The following NRXN1 variants were observed in gnomAD, a reference collection of about 807,000 sequenced individuals.
The protein encoded by NRXN1 is neurexin 1.
A neutral mutation model predicts 150.9 loss-of-function variants in NRXN1; 39 were observed. The observed-to-expected ratio is 0.26, with a 90% CI of 0.20 to 0.34. The LOEUF (loss-of-function observed/expected upper bound fraction) is 0.34, where lower values mean the gene tolerates loss of function less well. Among genes scored for constraint, NRXN1 ranks in the 10% least tolerant of loss-of-function variants. The pLI, the probability that NRXN1 is intolerant of heterozygous loss-of-function variation, is 1.00. For missense variants in NRXN1, 1,815 were observed against 1,949.9 expected (o/e 0.93, Z 1.30); for synonymous variants, 924 against 757.0 (o/e 1.22, Z -3.62).
chr2:50,654,976 C>T (rs1282458134), intron 5 of NRXN1, among the ~76,000 whole-genome samples: 2 of 151,938 alleles, frequency 1.3e-5, no homozygotes, highest in East Asian at 3.9e-4. Flanking sequence ...GAGAACAAAG[C>T]AAGGAACAAA....
chr2:50,079,987 A>C (rs1268113318), intron 19 of NRXN1, among the ~76,000 whole-genome samples: 1 of 152,160 alleles, frequency 6.6e-6, no homozygotes. Context: ...AGTAAATGGC[A>C]TGCAATTTAA....
At chr2:50,304,914 A>G (rs535425667) in intron 17 of NRXN1, among the ~76,000 whole-genome samples, 1 of 152,102 alleles carries the variant, frequency 6.6e-6, no homozygotes, top group African/African-American at 2.4e-5. Flanking sequence ...ACATGTTGAA[A>G]CCCCGTGTCT....
chr2:50,564,294 C>T (rs962649162), intron 8 of NRXN1, among the ~76,000 whole-genome samples: 2 of 152,112 alleles, frequency 1.3e-5, no homozygotes, highest in African/African-American at 2.4e-5. Flanking sequence ...ATGATCTTAA[C>T]TGTGTAAGGT....
chr2:50,117,702 C>G (rs1703251095), intron 18 of NRXN1, among the ~76,000 whole-genome samples: 1 of 151,014 alleles, frequency 6.6e-6, no homozygotes, highest in Non-Finnish European at 1.5e-5. Context: ...TGTCTTTACA[C>G]AGCCATAGAA....
intron 2 of NRXN1, among the ~76,000 whole-genome samples, chr2:50,942,531 C>T (rs939777523): frequency 2.0e-5 from 3 of 152,210 alleles, no homozygotes; most frequent in Non-Finnish European, 4.4e-5. Context: ...GGGAGCCCCA[C>T]TCTTGCATCT....
chr2:50,788,356 G>A (rs1705436674), intron 5 of NRXN1, among the ~76,000 whole-genome samples: 1 of 151,882 alleles, frequency 6.6e-6, no homozygotes, highest in Non-Finnish European at 1.5e-5. Context: ...TAAAGTGCTG[G>A]GATTACAGGC....
At chr2:50,834,042 A>T (rs1254993201) in intron 5 of NRXN1, among the ~76,000 whole-genome samples, 2 of 152,172 alleles carry the variant, frequency 1.3e-5, no homozygotes, top group African/African-American at 4.8e-5. Context: ...ATTATACAAA[A>T]TACTTAATGT....
At chr2:51,007,961 G>A (rs570549250) in intron 2 of NRXN1, among the ~76,000 whole-genome samples, 5 of 151,466 alleles carry the variant, frequency 3.3e-5, no homozygotes, top group Non-Finnish European at 7.4e-5. Context: ...CAGAATAGAA[G>A]GAAAATAAAT....
At chr2:50,645,777 G>T (rs1353417059) in intron 5 of NRXN1, among the ~76,000 whole-genome samples, 2 of 151,868 alleles carry the variant, frequency 1.3e-5, no homozygotes, top group Non-Finnish European at 2.9e-5. Flanking sequence ...GTGCTTAAAA[G>T]AAAAAATCCA....
intron 17 of NRXN1, among the ~76,000 whole-genome samples, chr2:50,258,324 ATTG>A (rs2067919749): frequency 6.6e-6 from 1 of 152,056 alleles, no homozygotes; most frequent in African/African-American, 2.4e-5. Context: ...TTCTACATCC[ATTG>A]TTGTCATTTC....
intron 5 of NRXN1, among the ~76,000 whole-genome samples, chr2:50,671,358 T>C (rs74478135): frequency 6.6e-6 from 1 of 151,834 alleles, no homozygotes; most frequent in South Asian, 2.1e-4. Flanking sequence ...ACATTTTTTT[T>C]CTGTGTTGAT....
intron 2 of NRXN1, among the ~76,000 whole-genome samples, chr2:51,008,539 G>A (rs1364660586): frequency 2.0e-5 from 3 of 151,860 alleles, no homozygotes; most frequent in Non-Finnish European, 2.9e-5. Context: ...GCAGGGTATG[G>A]CATACAATCA....
intron 19 of NRXN1, among the ~76,000 whole-genome samples, chr2:50,084,687 G>C (rs1397967001): frequency 6.6e-6 from 1 of 152,212 alleles, no homozygotes; most frequent in African/African-American, 2.4e-5. Context: ...GGCTCCTCAA[G>C]CGTGGCTGAA....
chr2:50,614,441 A>G (rs890990924), intron 8 of NRXN1, among the ~76,000 whole-genome samples: 1 of 151,956 alleles, frequency 6.6e-6, no homozygotes, highest in Admixed American at 6.6e-5. Context: ...CTTACGTGTA[A>G]ATGACAGATA....
chr2:50,410,961 A>G (rs1278409398), intron 17 of NRXN1, among the ~76,000 whole-genome samples: 3 of 152,242 alleles, frequency 2.0e-5, no homozygotes, highest in Non-Finnish European at 4.4e-5. Flanking sequence ...CTAAAAGACA[A>G]ACATTTGCGT....
intron 17 of NRXN1, among the ~76,000 whole-genome samples, chr2:50,386,898 C>A (rs1558645104): frequency 6.6e-6 from 1 of 152,132 alleles, no homozygotes; most frequent in Admixed American, 6.6e-5. Context: ...GGTTTATAAA[C>A]ACAATTATAC....
chr2:50,784,548 T>G (rs1704820798), intron 5 of NRXN1, among the ~76,000 whole-genome samples: 2 of 150,794 alleles, frequency 1.3e-5, no homozygotes, highest in Non-Finnish European at 3.0e-5. Context: ...GGGAAGGGAG[T>G]GGTAGAGTTA....
At chr2:50,122,877 C>T (rs1704058784) in intron 18 of NRXN1, among the ~76,000 whole-genome samples, 2 of 152,278 alleles carry the variant, frequency 1.3e-5, no homozygotes, top group Admixed American at 6.5e-5. Context: ...ACTCATTTGT[C>T]TAGCACATCT....
intron 17 of NRXN1, among the ~76,000 whole-genome samples, chr2:50,365,587 T>C (rs964439968): frequency 7.9e-5 from 12 of 152,110 alleles, no homozygotes; most frequent in African/African-American, 2.9e-4. Context: ...TAAAACCTTA[T>C]AATTTATTTC....
Sources: allele counts gnomAD v4.1 joint callset (sites outside exome capture counted in the v4.1 genomes callset), GRCh38; gene constraint gnomAD v4.1.1; transcripts MANE v1.5; gene names NCBI Gene and HGNC (gene_info 2026-07-23, HGNC 2026-07-21).